SMARCA4: variants seen among roughly 807,000 people sequenced by gnomAD.
SMARCA4 encodes the protein SWI/SNF related BAF chromatin remodeling complex subunit ATPase 4, also known as SWI/SNF-related matrix-associated actin-dependent regulator of chromatin subfamily A member 4.
A neutral mutation model predicts 193.9 loss-of-function variants in SMARCA4; 31 were observed. That is an observed-to-expected ratio of 0.16 (90% confidence interval 0.12 to 0.22). SMARCA4 has a LOEUF of 0.22. Ranked by LOEUF, SMARCA4 falls within the 10% of genes least tolerant of loss-of-function variation. The probability of loss-of-function intolerance (pLI) is 1.00; values close to 1 mark genes in which losing one functional copy is unlikely to be tolerated. For synonymous variants in SMARCA4, 942 were observed against 933.1 expected (o/e 1.01, Z -0.17); for missense variants, 1,148 against 2,296.0 (o/e 0.50, Z 10.22).
intron 30 of SMARCA4, among the ~76,000 whole-genome samples, chr19:11,053,410 C>T (rs780260320): frequency 6.7e-6 from 1 of 149,950 alleles, no homozygotes; most frequent in African/African-American, 2.5e-5. Context: ...CAAGATTGCA[C>T]CACTGCACTC....
rs1225208820 is a variant in SMARCA4, at chr19:10,984,036, A to G, written c.-31-85A>G. The G allele has an allele frequency of 2.9e-5, 29 of 996,582 alleles. No homozygotes were observed. Among genetic ancestry groups the G allele is most frequent in the Non-Finnish European group, 4.5e-5 (29 of 638,572 alleles). 61.7% of individuals were successfully genotyped at this position (996,582 alleles called of 1,614,324 possible). A position where few individuals can be genotyped will look rare whatever the true frequency, so the allele number is the denominator to read the frequency against. ...GGCTTCCTGTGGGATGTAGATTCTG[A>G]TGTGACCGTATGATTGTCCCTTGCT... is the stretch of plus-strand genomic sequence containing the variant. On this transcript the variant is annotated intron_variant, in intron 1 of 34. Transcript: ENST00000344626. The surrounding 1 kb of genome is among the most constrained non-coding windows in gnomAD (Gnocchi z 4.3).
chr19:10,985,155 C>T lies in SMARCA4; in HGVS notation c.223-118C>T, dbSNP rs76200030. On this transcript the variant is annotated intron_variant, in intron 2 of 34. Transcript: ENST00000344626. This position sits in a 1 kb window ranked among gnomAD's most constrained non-coding sequence, Gnocchi z 4.5. ...AGTCATGCTGGGGACTGGGGAGATG[C>T]GCGTCATCTTCGGGTGGCTGTTCTC... 0.034 allele frequency: 33,927 copies of T among 1,009,614 alleles called. 776 individuals carry two copies. Among genetic ancestry groups the T allele is most frequent in the Non-Finnish European group, 0.044 (28,329 of 646,086 alleles). 62.5% of individuals were successfully genotyped at this position (1,009,614 alleles called of 1,614,324 possible). A position where few individuals can be genotyped will look rare whatever the true frequency, so the allele number is the denominator to read the frequency against.
At chr19:11,053,369 A>G (rs1388795412) in intron 30 of SMARCA4, among the ~76,000 whole-genome samples, 2 of 151,064 alleles carry the variant, frequency 1.3e-5, no homozygotes, top group East Asian at 3.9e-4. Context: ...CTGTAATCCC[A>G]GCTACTCGGG....
intron 18 of SMARCA4, 162 bp from the exon 19 acceptor site, chr19:11,021,563 G>T: frequency 4.7e-6 from 4 of 857,686 alleles, no homozygotes; most frequent in Non-Finnish European, 7.6e-6. Flanking sequence ...GCTCCAACTC[G>T]GTGAGTCAGC....
chr19:10,995,823 G>C, intron 9 of SMARCA4: 1 of 365,244 alleles, frequency 2.7e-6, no homozygotes, highest in South Asian at 2.1e-5. Context: ...GGAGGGTTTT[G>C]GCTGTGGGGT....
intron 15 of SMARCA4, 144 bp downstream of exon 15, chr19:11,010,675 T>C (rs961224261): frequency 1.1e-5 from 9 of 808,612 alleles, no homozygotes; most frequent in Non-Finnish European, 1.9e-5. Context: ...TGAGCCTCGG[T>C]TTCCCCATGT....
rs760950326 is a variant in SMARCA4, at chr19:11,058,919, G to A, written c.4635+30G>A. On this transcript the variant is annotated intron_variant, in intron 32 of 34. Transcript: ENST00000344626. The surrounding 1 kb of genome is among the most constrained non-coding windows in gnomAD (Gnocchi z 5.8). ...GGGCACCGCTGGGGGTTGGGGATGG[G>A]CCACTCCCACAGCTGGGCTTTGACC... 7.4e-5 allele frequency: 115 copies of A among 1,555,166 alleles called. No individual in the cohort carries two copies. The highest frequency in any genetic ancestry group is 1.3e-4 in the Admixed American group (8 of 59,806).
chr19:11,049,064 TCTG>T (rs1236849627), intron 30 of SMARCA4, among the ~76,000 whole-genome samples: 1 of 152,130 alleles, frequency 6.6e-6, no homozygotes, highest in Non-Finnish European at 1.5e-5. Flanking sequence ...AGTGCTGGCT[TCTG>T]CTGTCCAGGG....
chr19:11,021,469 TGCAA>T (rs1342774170), intron 18 of SMARCA4: 18 of 605,626 alleles, frequency 3.0e-5, no homozygotes, highest in Admixed American at 1.2e-4. Flanking sequence ...ATTGCTTTTT[TGCAA>T]TTTGCATTGT....
At chr19:11,020,383 G>A (rs537847734) in intron 18 of SMARCA4, among the ~76,000 whole-genome samples, 71 of 152,056 alleles carry the variant, frequency 4.7e-4, no homozygotes, top group African/African-American at 1.6e-3. Context: ...AGCTGAGTGA[G>A]TGTTGAACAG....
At chr19:11,024,589 C>A in intron 21 of SMARCA4, 151 bp downstream of exon 21, 1 of 696,574 alleles carries the variant, frequency 1.4e-6, no homozygotes, top group Non-Finnish European at 2.6e-6. Context: ...TGGCTGGTGG[C>A]TTGTGTCAGG....
intron 16 of SMARCA4, among the ~76,000 whole-genome samples, chr19:11,014,203 A>T (rs996982480): frequency 6.6e-6 from 1 of 152,128 alleles, no homozygotes; most frequent in Non-Finnish European, 1.5e-5. Context: ...AACTCCTGGC[A>T]GGCTGGGGAG....
rs556344878 is a variant in SMARCA4, at chr19:11,004,008, G to A, written c.2001+611G>A. Among the ~76,000 whole-genome samples the A allele has an allele frequency of 4.0e-5, 6 of 151,458 alleles. No individual in the cohort carries two copies. The South Asian group carries it at 8.4e-4, about 21-fold the overall frequency. On this transcript the variant is annotated intron_variant, in intron 13 of 34. Coordinates refer to ENST00000344626, the MANE Select transcript of SMARCA4 (RefSeq NM_003072.5). ...ATTACAGACATGAACCTCCACGTCC[G>A]ACTTATGATTTTTTTGTTGTTGTTT...
rs1600405478 is a variant in SMARCA4 at position 11,034,936 on chromosome 19, G to A, written c.3974G>A (p.Arg1325His). ...LFMRMDLDRR[R>H]EEARNPKRKP... The stretch of plus-strand genomic sequence containing the variant: ...CAGCGCATGGACCTGGACCGCAGGC[G>A]CGAGGAGGCCCGCAACCCCAAGCGG... The change falls in exon 29 of 35, where the codon CGC becomes CAC. Residue 1325 changes from arginine to histidine, a missense_variant. Physicochemically the swap from Arg to His is conservative, Grantham distance 29. Around this residue, in one of 17 missense-constraint regions of SMARCA4, gnomAD observed 84 missense variants for 202.2 expected, o/e 0.42. Transcript: ENST00000344626. This position sits in a 1 kb window ranked among gnomAD's most constrained non-coding sequence, Gnocchi z 7.0. The A allele has an allele frequency of 1.3e-6, 2 of 1,577,824 alleles. No individual in the cohort carries two copies. Among genetic ancestry groups the A allele is most frequent in the African/African-American group, 1.3e-5 (1 of 74,268 alleles).
At chr19:11,044,670 G>A (rs1438555013) in intron 30 of SMARCA4, among the ~76,000 whole-genome samples, 1 of 152,220 alleles carries the variant, frequency 6.6e-6, no homozygotes, top group Non-Finnish European at 1.5e-5. Flanking sequence ...CACACCCTGC[G>A]TGTAGGAGTA....
chr19:10,998,964 G>A (rs1351133826), intron 11 of SMARCA4, among the ~76,000 whole-genome samples: 2 of 151,336 alleles, frequency 1.3e-5, no homozygotes, highest in Non-Finnish European at 2.9e-5. Flanking sequence ...GTGTGGTGGT[G>A]CAATCATGGC....
chr19:10,963,511 C>T (rs755047887), intron 1 of SMARCA4, among the ~76,000 whole-genome samples: 1 of 152,242 alleles, frequency 6.6e-6, no homozygotes, highest in East Asian at 1.9e-4. Context: ...CTCATCTCCC[C>T]TACAAAGTGT....
intron 16 of SMARCA4, among the ~76,000 whole-genome samples, chr19:11,014,340 G>T (rs1192496035): frequency 6.6e-6 from 1 of 152,222 alleles, no homozygotes; most frequent in Non-Finnish European, 1.5e-5. Context: ...CTGGAGGAAA[G>T]GTGAGGACCC....
At chr19:11,037,437 C>T (rs34622780) in intron 29 of SMARCA4, among the ~76,000 whole-genome samples, 1 of 151,972 alleles carries the variant, frequency 6.6e-6, no homozygotes, top group African/African-American at 2.4e-5. Context: ...TCATATGCTT[C>T]TTGGCCCTTT....
Sources: allele counts gnomAD v4.1 joint callset (sites outside exome capture counted in the v4.1 genomes callset), GRCh38; gene constraint gnomAD v4.1.1; regional missense constraint gnomAD v4.1.1; non-coding constraint Gnocchi (gnomAD v3.1); transcripts MANE v1.5; gene names NCBI Gene and HGNC (gene_info 2026-07-23, HGNC 2026-07-21).